Variants in NUP188 observed in about 807,000 individuals in gnomAD.
NUP188 encodes nucleoporin 188.
Under a neutral mutation model 223.0 loss-of-function variants are expected in NUP188, and 97 were observed. That is an observed-to-expected ratio of 0.43 (90% CI 0.37 to 0.51). The LOEUF (loss-of-function observed/expected upper bound fraction) is 0.51. Ranked by LOEUF, NUP188 falls within the 20% of genes least tolerant of loss-of-function variation. The pLI, the probability that NUP188 is intolerant of heterozygous loss-of-function variation, is 0.00. For synonymous variants in NUP188, 869 were observed against 828.0 expected, an observed-to-expected ratio of 1.05 and a Z score of -0.85; for missense variants, 1,947 against 2,175.6, an observed-to-expected ratio of 0.89 and a Z score of 2.09.
At chr9:128,980,804 A>G (rs1195239765) in intron 14 of NUP188, 79 bp downstream of exon 14, 1 of 1,487,288 alleles carries the variant, frequency 6.7e-7, no homozygotes, top group African/African-American at 1.4e-5. Context: ...TTTGCTTTCC[A>G]CATTGCAGTT....
At chr9:128,956,676 A>AT (rs1237787064) in intron 4 of NUP188, among the ~76,000 whole-genome samples, 21 of 152,176 alleles carry the variant, frequency 1.4e-4, no homozygotes, top group African/African-American at 5.1e-4. Flanking sequence ...TAAGTTTGTC[A>AT]TTTTGGAAGC....
In NUP188 at chr9:128,995,747, C is replaced by T. The variant is rs147077720; in HGVS notation, c.3351+233C>T. 2.7e-4 allele frequency among the ~76,000 whole-genome samples: 41 copies of T among 152,280 alleles called. No individual in the cohort carries two copies. The East Asian group carries it at 6.4e-3, about 24-fold the overall frequency. On this transcript the variant is annotated intron_variant, in intron 30 of 43. Transcript: ENST00000372577. ...AGTGATTTGAAATCCTTTCAGAGTT[C>T]CTAAAGCCTCCTGTACCTCCCTTAG...
intron 5 of NUP188, 37 bp downstream of exon 5, chr9:128,957,069 A>G (rs1841881674): frequency 7.0e-7 from 1 of 1,423,854 alleles, no homozygotes; most frequent in Non-Finnish European, 9.8e-7. Flanking sequence ...TTCTGCCTTT[A>G]TCCTTTTTCC....
chr9:128,969,344 C>G (rs1842073605), intron 9 of NUP188, 56 bp from the exon 10 acceptor site: 1 of 1,100,034 alleles, frequency 9.1e-7, no homozygotes, highest in Non-Finnish European at 1.4e-6. Context: ...TCACCTTTGT[C>G]TCTAGTGAGT....
chr9:128,976,482 C>T (rs1452466020), intron 12 of NUP188, among the ~76,000 whole-genome samples: 2 of 151,976 alleles, frequency 1.3e-5, no homozygotes, highest in East Asian at 3.9e-4. Context: ...ATTAGCCTGG[C>T]CAACATGGTG....
chr9:128,984,787 C>A, intron 19 of NUP188, 113 bp from the exon 20 acceptor site: 1 of 622,068 alleles, frequency 1.6e-6, no homozygotes, highest in Non-Finnish European at 2.8e-6. Context: ...CACTGGAGAG[C>A]TTTTCTATTT....
At chr9:128,993,800 T>C in intron 27 of NUP188, 106 bp downstream of exon 27, 1 of 976,296 alleles carries the variant, frequency 1.0e-6, no homozygotes, top group Middle Eastern at 2.6e-4. Context: ...GGAATAAGAG[T>C]GCTTAGTCCT....
rs370510044 is a variant in NUP188, at chr9:128,990,662, A to C, written c.2640+436A>C. Among the ~76,000 whole-genome samples, 99 of 152,354 alleles carry C rather than the reference A, an allele frequency of 6.5e-4. No homozygotes were observed. In the South Asian group the frequency reaches 0.019, roughly 29 times the overall value. Reference sequence around the variant, plus strand: ...GGTGTATCACAGAGTCAGGAGATCAAGACCATCCTGGCTAATACGGTGAAA... The same window carrying C: ...GGTGTATCACAGAGTCAGGAGATCACGACCATCCTGGCTAATACGGTGAAA... On this transcript the variant is annotated intron_variant, in intron 25 of 43. Transcript: ENST00000372577.
Position 128,982,675 on chromosome 9 carries a change from T to C in NUP188, c.1643T>C (p.Met548Thr). The change falls in exon 16 of 44, where the codon ATG becomes ACG. Residue 548 changes from methionine (M) to threonine (T), a missense_variant. This residue lies in a region of NUP188 where 817 missense variants were observed against 865.8 expected (regional missense o/e 0.94). Coordinates refer to ENST00000372577, the MANE Select transcript of NUP188 (RefSeq NM_015354.3). Reference sequence around the variant, plus strand: ...ACCCTCTTTACCTGCGAGATTGAAATGTTGCTTCATGTTGTTTCAACTGCA... The same window carrying C: ...ACCCTCTTTACCTGCGAGATTGAAACGTTGCTTCATGTTGTTTCAACTGCA... ...SWTLFTCEIE[M>T]LLHVVSTADV... 2 of 1,613,944 alleles carry C rather than the reference T, an allele frequency of 1.2e-6. No individual in the cohort carries two copies. Among genetic ancestry groups the C allele is most frequent in the Non-Finnish European group, 1.7e-6 (2 of 1,180,004 alleles).
At chr9:128,972,359 T>C (rs1458214896) in intron 11 of NUP188, among the ~76,000 whole-genome samples, 1 of 152,236 alleles carries the variant, frequency 6.6e-6, no homozygotes, top group Non-Finnish European at 1.5e-5. Context: ...TAGTATATGA[T>C]TCCAACTACG....
At chr9:128,970,712 AAC>A (rs1173674313) in intron 10 of NUP188, 44 bp from the exon 11 acceptor site, 2 of 1,538,002 alleles carry the variant, frequency 1.3e-6, no homozygotes, top group Non-Finnish European at 1.8e-6. Flanking sequence ...GAGGGATATT[AAC>A]ACTTTCTGTT....
rs1460307317 is a variant in NUP188 at position 129,005,794 on chromosome 9, G to T, written c.4869+18G>T. 2.1e-5 allele frequency: 33 copies of T among 1,586,390 alleles called. No homozygotes were observed. The highest frequency in any genetic ancestry group is 2.7e-5 in the Non-Finnish European group (32 of 1,166,362). On this transcript the variant is annotated intron_variant, in intron 41 of 43. Transcript: ENST00000372577. ...TTGGAGAGGTAAGTTGGTTCTGTCA[G>T]ACACTGTCCTCTCCCCCCGGCTCCT...
chr9:128,998,926 G>A (rs1447530049), intron 32 of NUP188, among the ~76,000 whole-genome samples: 4 of 146,852 alleles, frequency 2.7e-5, no homozygotes, highest in East Asian at 2.0e-4. Context: ...GCGCGATCTC[G>A]GCTCACTGCA....
chr9:129,003,668 T>C, intron 38 of NUP188: 3 of 662,922 alleles, frequency 4.5e-6, no homozygotes, highest in Non-Finnish European at 8.1e-6. Flanking sequence ...ATTTGGACTT[T>C]TATCAGTTAG....
In NUP188 at chr9:128,954,856, C is replaced by CT. The variant is rs777885777; in HGVS notation, c.162-1480dup. On this transcript the variant is annotated intron_variant, in intron 3 of 43. Coordinates refer to ENST00000372577, the MANE Select transcript of NUP188 (RefSeq NM_015354.3). ...AAATACACAGAGGTGAGGTGCTCTTCTTTTTTTTTTTTTTGAGATGGAGTT... is the reference window on the plus strand; with the variant it reads ...AAATACACAGAGGTGAGGTGCTCTTCTTTTTTTTTTTTTTTGAGATGGAGTT... Among the ~76,000 whole-genome samples, 214 of 137,266 alleles carry CT rather than the reference C, an allele frequency of 1.6e-3. 1 individual carries two copies. The highest frequency in any genetic ancestry group is 7.5e-3 in the Middle Eastern group (2 of 266). The allele number at this position is 137,266 out of a possible 152,430, so 90.1% of individuals were successfully genotyped here.
intron 13 of NUP188, among the ~76,000 whole-genome samples, chr9:128,980,054 A>G (rs917944163): frequency 3.3e-5 from 5 of 152,172 alleles, no homozygotes; most frequent in African/African-American, 1.2e-4. Flanking sequence ...GGGTATTGTA[A>G]CTAGTTAGAG....
chr9:128,958,935 C>A (rs765053838), intron 7 of NUP188, 41 bp downstream of exon 7: 2 of 1,421,878 alleles, frequency 1.4e-6, no homozygotes, highest in East Asian at 4.7e-5. Flanking sequence ...TATACTGTAT[C>A]ATCTTAATAA....
intron 24 of NUP188, among the ~76,000 whole-genome samples, chr9:128,988,570 G>A (rs934249072): frequency 6.6e-6 from 1 of 152,026 alleles, no homozygotes; most frequent in African/African-American, 2.4e-5. Flanking sequence ...GGGACCAGAA[G>A]TGTTTTGGGT....
At position 128,995,478 on chromosome 9, in the gene NUP188, C is replaced by A; in HGVS notation, c.3315C>A (p.Ser1105=). 1 of 1,607,540 alleles carries A rather than the reference C, an allele frequency of 6.2e-7. No homozygotes were observed. Among genetic ancestry groups the A allele is most frequent in the Admixed American group, 1.7e-5 (1 of 58,780 alleles). ...TGTTAGAGTACCAGATGCTGGTGTCCGCCTGGAGGATGCTTCTCATCATTG... is the reference window on the plus strand; with the variant it reads ...TGTTAGAGTACCAGATGCTGGTGTCAGCCTGGAGGATGCTTCTCATCATTG... ...TSLLEYQMLV[S]AWRMLLIIAT... The change falls in exon 30 of 44, where the codon TCC becomes TCA. Residue 1105 remains serine, a synonymous_variant. Coordinates refer to ENST00000372577, the MANE Select transcript of NUP188 (RefSeq NM_015354.3).
Sources: allele counts gnomAD v4.1 joint callset (sites outside exome capture counted in the v4.1 genomes callset), GRCh38; gene constraint gnomAD v4.1.1; regional missense constraint gnomAD v4.1.1; transcripts MANE v1.5; gene names NCBI Gene and HGNC (gene_info 2026-07-23, HGNC 2026-07-21).